The following LIMA1 variants were observed in gnomAD, a reference collection of about 807,000 sequenced individuals.
LIMA1 encodes the protein LIM domain and actin-binding protein 1.
Under a neutral mutation model 62.6 loss-of-function variants are expected in LIMA1, and 52 were observed. The observed-to-expected ratio is 0.83, with a 90% confidence interval of 0.67 to 1.05. The LOEUF (loss-of-function observed/expected upper bound fraction) is 1.05, where lower values mean the gene tolerates loss of function less well. LIMA1 is among the 50% of genes least tolerant of loss of function. The pLI, the probability that LIMA1 is intolerant of heterozygous loss-of-function variation, is 0.00. For synonymous variants in LIMA1, 302 were observed against 317.8 expected, an observed-to-expected ratio of 0.95 and a Z score of 0.53; for missense variants, 780 against 902.2, an observed-to-expected ratio of 0.86 and a Z score of 1.74.
intron 6 of LIMA1, among the ~76,000 whole-genome samples, chr12:50,202,263 T>C (rs892338088): frequency 1.3e-5 from 2 of 152,202 alleles, no homozygotes; most frequent in African/African-American, 4.8e-5. Flanking sequence ...AACCATATTC[T>C]GTAAGGGGCC....
At chr12:50,181,873 T>C (rs1462712690) in intron 10 of LIMA1, 31 bp downstream of exon 10, 11 of 1,613,620 alleles carry the variant, frequency 6.8e-6, no homozygotes, top group Admixed American at 6.7e-5. Flanking sequence ...GTTCCAGTTA[T>C]AGACAGATGG....
chr12:50,234,346 T>C, intron 2 of LIMA1: 2 of 299,444 alleles, frequency 6.7e-6, no homozygotes, highest in Non-Finnish European at 1.3e-5. Flanking sequence ...GTAGCTGGGA[T>C]TACAGGCATG....
intron 9 of LIMA1, among the ~76,000 whole-genome samples, chr12:50,190,943 C>T (rs1465424234): frequency 1.3e-5 from 2 of 150,970 alleles, no homozygotes; most frequent in Admixed American, 1.3e-4. Context: ...CATAGTGAGA[C>T]CCCATCCCTA....
chr12:50,235,565 C>T (rs1941680299), intron 2 of LIMA1, among the ~76,000 whole-genome samples: 1 of 151,882 alleles, frequency 6.6e-6, no homozygotes, highest in African/African-American at 2.4e-5. Context: ...GTGCCCAGCC[C>T]CCAATCCTAT....
intron 3 of LIMA1, among the ~76,000 whole-genome samples, chr12:50,227,337 C>T (rs868394564): frequency 6.8e-6 from 1 of 146,842 alleles, no homozygotes; most frequent in African/African-American, 2.5e-5. Context: ...CTCCTGGGTT[C>T]AAGCAATTCT....
At chr12:50,254,172 A>G (rs1172121583) in intron 1 of LIMA1, among the ~76,000 whole-genome samples, 1 of 152,200 alleles carries the variant, frequency 6.6e-6, no homozygotes, top group Non-Finnish European at 1.5e-5. Context: ...TGAACTGTGA[A>G]GGAAGAACTG....
intron 8 of LIMA1, 152 bp downstream of exon 8, chr12:50,195,678 T>C: frequency 1.7e-6 from 1 of 599,646 alleles, no homozygotes; most frequent in East Asian, 3.0e-5. Context: ...AGCCATGAAG[T>C]GTGTAAAGGA....
chr12:50,197,235 T>G (rs1940949520), intron 7 of LIMA1, among the ~76,000 whole-genome samples: 1 of 152,132 alleles, frequency 6.6e-6, no homozygotes, highest in Non-Finnish European at 1.5e-5. Context: ...CACACCCGGC[T>G]AATTTTTGTA....
chr12:50,192,676 C>A, intron 8 of LIMA1, 115 bp from the exon 9 acceptor site: 1 of 694,354 alleles, frequency 1.4e-6, no homozygotes, highest in Non-Finnish European at 2.6e-6. Flanking sequence ...CTTCCAACAC[C>A]AGGAAAAACA....
At chr12:50,245,220 G>C (rs1426724374) in intron 2 of LIMA1, among the ~76,000 whole-genome samples, 1 of 151,662 alleles carries the variant, frequency 6.6e-6, no homozygotes, top group African/African-American at 2.4e-5. Flanking sequence ...TTCAAGACCA[G>C]CCTGGGCAAC....
At chr12:50,263,011 A>AT (rs1378336814) in intron 1 of LIMA1, among the ~76,000 whole-genome samples, 3 of 152,204 alleles carry the variant, frequency 2.0e-5, no homozygotes, top group Non-Finnish European at 2.9e-5. Flanking sequence ...CACTGCACTG[A>AT]TTAATTCAAT....
intron 1 of LIMA1, among the ~76,000 whole-genome samples, chr12:50,252,098 T>C (rs1941938156): frequency 6.6e-6 from 1 of 152,148 alleles, no homozygotes; most frequent in African/African-American, 2.4e-5. Context: ...TTAGAGGCTA[T>C]GCGTGGTGTA....
At position 50,222,432 on chromosome 12, in the gene LIMA1, C is replaced by A; in HGVS notation, c.219G>T (p.Lys73Asn). The A allele has an allele frequency of 6.2e-7, 1 of 1,614,020 alleles. No individual in the cohort carries two copies. Among genetic ancestry groups the A allele is most frequent in the Middle Eastern group, 1.6e-4 (1 of 6,062 alleles). Reference sequence around the variant, plus strand: ...CCAGCCCTGGGTTCTCCCACTTCTTCTTTAACACAGTCAGGGTCCCCTTTC... The same window carrying A: ...CCAGCCCTGGGTTCTCCCACTTCTTATTTAACACAGTCAGGGTCCCCTTTC... ...HFRKGTLTVL[K>N]KKWENPGLGA... Residue 73 changes from lysine (K) to asparagine (N), a missense_variant, in exon 4 of 11, where the codon AAG becomes AAT. Lys to Asn is a moderately conservative substitution (Grantham distance 94). Transcript: ENST00000341247.
intron 7 of LIMA1, among the ~76,000 whole-genome samples, chr12:50,196,240 C>T (rs1309223858): frequency 6.6e-6 from 1 of 152,194 alleles, no homozygotes; most frequent in African/African-American, 2.4e-5. Flanking sequence ...CAAAGCTCCT[C>T]ACCGTATAAC....
chr12:50,183,672 A>G (rs1940558109), intron 9 of LIMA1, among the ~76,000 whole-genome samples: 1 of 151,750 alleles, frequency 6.6e-6, no homozygotes, highest in African/African-American at 2.4e-5. Flanking sequence ...TTAGCCGGGC[A>G]TGGTGGCGTG....
chr12:50,271,843 C>T (rs1027282388), intron 1 of LIMA1, among the ~76,000 whole-genome samples: 3 of 152,108 alleles, frequency 2.0e-5, no homozygotes, highest in Admixed American at 2.0e-4. Context: ...TACTGAATTG[C>T]CACACATCTC....
Position 50,222,335 on chromosome 12 carries a change from CAGG to C in LIMA1, c.313_315del (p.Pro105del), listed in dbSNP as rs757091291. 6.2e-7 allele frequency: 1 copy of C among 1,614,122 alleles called. No individual in the cohort carries two copies. Among genetic ancestry groups the C allele is most frequent in the Non-Finnish European group, 8.5e-7 (1 of 1,180,026 alleles). ...GAAGCAGCGTGGCTTGTCACTTCAG[CAGG>C]AGGATGGTCTGCTCTGTGCCTAATC... On this transcript the variant is annotated inframe_deletion, in exon 4 of 11. Transcript: ENST00000341247.
At chr12:50,205,948 C>CT (rs752518285) in intron 5 of LIMA1, 36 bp downstream of exon 5, 2 of 1,525,878 alleles carry the variant, frequency 1.3e-6, no homozygotes, top group Admixed American at 3.4e-5. Flanking sequence ...TGAGTACTTC[C>CT]TAAAGGACCT....
chr12:50,237,179 A>G (rs1425896873), intron 2 of LIMA1, among the ~76,000 whole-genome samples: 5 of 152,272 alleles, frequency 3.3e-5, no homozygotes, highest in Admixed American at 6.5e-5. Context: ...AGCATTAAAT[A>G]TAACAGCAAA....
Sources: gnomAD v4.1 joint callset for allele counts (sites outside exome capture counted in the v4.1 genomes callset) on GRCh38, gnomAD v4.1.1 for gene constraint, MANE v1.5 for transcripts, NCBI Gene and HGNC (gene_info 2026-07-23, HGNC 2026-07-21) for gene names.